Variants in MALRD1 observed in about 807,000 individuals in gnomAD.
MALRD1 encodes the protein MAM and LDL receptor class A domain containing 1.
Under a neutral mutation model 242.1 loss-of-function variants are expected in MALRD1, and 247 were observed. The observed-to-expected ratio is 1.02, with a 90% confidence interval of 0.92 to 1.13. The LOEUF is 1.13. Among genes scored for constraint, MALRD1 ranks in the 50% most tolerant of loss-of-function variants. The pLI, the probability that MALRD1 is intolerant of heterozygous loss-of-function variation, is 0.00. For synonymous variants in MALRD1, 995 were observed against 866.6 expected, an observed-to-expected ratio of 1.15 and a Z score of -2.60; for missense variants, 2,989 against 2,533.1, an observed-to-expected ratio of 1.18 and a Z score of -3.86.
chr10:19,440,601 T>A (rs1834588093), intron 28 of MALRD1, among the ~76,000 whole-genome samples: 1 of 152,180 alleles, frequency 6.6e-6, no homozygotes, highest in Admixed American at 6.5e-5. Context: ...GTGTTTGGTT[T>A]TCTATTCTTG....
chr10:19,294,705 A>C lies in MALRD1; in HGVS notation c.3419+11524A>C, dbSNP rs941551821. Among the ~76,000 whole-genome samples, 7 of 152,280 alleles carry C rather than the reference A, an allele frequency of 4.6e-5. No individual in the cohort carries two copies. In the South Asian group the frequency reaches 1.0e-3, roughly 23 times the overall value. ...TCTCTATCTTTGGATTTTGTTGGATAATATAAGTTAACTAAAATAATACAA... is the reference window on the plus strand; with the variant it reads ...TCTCTATCTTTGGATTTTGTTGGATCATATAAGTTAACTAAAATAATACAA... On this transcript the variant is annotated intron_variant, in intron 21 of 39. Transcript: ENST00000454679.
chr10:19,277,141 G>T (rs924225205), intron 19 of MALRD1, among the ~76,000 whole-genome samples: 1 of 152,048 alleles, frequency 6.6e-6, no homozygotes, highest in African/African-American at 2.4e-5. Flanking sequence ...GCCCAGGCTA[G>T]TCTCAAAATC....
intron 5 of MALRD1, among the ~76,000 whole-genome samples, chr10:19,106,180 A>G (rs893513475): frequency 4.6e-5 from 7 of 151,820 alleles, no homozygotes; most frequent in Non-Finnish European, 7.4e-5. Context: ...CACAGCTTCT[A>G]GTATCTATCA....
chr10:19,069,016 C>T (rs1835062460), intron 2 of MALRD1, among the ~76,000 whole-genome samples: 1 of 151,970 alleles, frequency 6.6e-6, no homozygotes, highest in African/African-American at 2.4e-5. Context: ...AAATCAAATA[C>T]ATCTTTGTAA....
At chr10:19,465,796 A>C (rs1027896549) in intron 29 of MALRD1, among the ~76,000 whole-genome samples, 1 of 152,178 alleles carries the variant, frequency 6.6e-6, no homozygotes, top group Non-Finnish European at 1.5e-5. Context: ...GGCCTCCCAA[A>C]GTGCTGCGAT....
At chr10:19,172,781 GATGT>G (rs1374561929) in intron 13 of MALRD1, among the ~76,000 whole-genome samples, 1 of 151,684 alleles carries the variant, frequency 6.6e-6, no homozygotes, top group African/African-American at 2.4e-5. Context: ...ATCAATGCAA[GATGT>G]ATTATAATCA....
At chr10:19,599,317 A>C (rs1371652475) in intron 34 of MALRD1, among the ~76,000 whole-genome samples, 1 of 152,144 alleles carries the variant, frequency 6.6e-6, no homozygotes, top group Non-Finnish European at 1.5e-5. Flanking sequence ...AAGTGTTTAG[A>C]TAAACCTGTG....
intron 32 of MALRD1, among the ~76,000 whole-genome samples, chr10:19,538,769 A>G (rs982856749): frequency 6.6e-6 from 1 of 152,064 alleles, no homozygotes; most frequent in African/African-American, 2.4e-5. Flanking sequence ...TTTGTAATTT[A>G]TATAAATTTC....
At chr10:19,501,596 A>C (rs188697347) in intron 31 of MALRD1, among the ~76,000 whole-genome samples, 60 of 152,362 alleles carry the variant, frequency 3.9e-4, no homozygotes, top group Non-Finnish European at 7.2e-4. Context: ...CTTATTGTGC[A>C]TATGTATAAA....
At chr10:19,554,804 C>T (rs7085701) in intron 32 of MALRD1, among the ~76,000 whole-genome samples, 123,953 of 152,094 alleles carry the variant, frequency 0.81, 50,678 homozygotes, top group Non-Finnish European at 0.85. Flanking sequence ...ATCCAGTCTA[C>T]CATTGACGGG....
At chr10:19,263,361 G>A (rs986041158) in intron 19 of MALRD1, among the ~76,000 whole-genome samples, 2 of 152,106 alleles carry the variant, frequency 1.3e-5, no homozygotes, top group African/African-American at 4.8e-5. Context: ...ATATCTCATT[G>A]TAGTTTTGAT....
At chr10:19,646,695 G>A (rs1448554082) in intron 36 of MALRD1, among the ~76,000 whole-genome samples, 4 of 152,104 alleles carry the variant, frequency 2.6e-5, no homozygotes, top group African/African-American at 9.7e-5. Context: ...GGTAAGTACT[G>A]TTTATCTCTG....
At position 19,463,553 on chromosome 10, in the gene MALRD1, A is replaced by AGTGTGTGT. The variant is rs142025703; in HGVS notation, c.5029+13094_5029+13101dup. Among the ~76,000 whole-genome samples, 519 of 150,122 alleles carry AGTGTGTGT rather than the reference A, an allele frequency of 3.5e-3. 4 individuals carry two copies. Among genetic ancestry groups the AGTGTGTGT allele is most frequent in the African/African-American group, 0.011 (462 of 40,670 alleles). On this transcript the variant is annotated intron_variant, in intron 29 of 39. Transcript: ENST00000454679. ...AATTCGTTCCCTTTCGTGGCTGAGT[A>AGTGTGTGT]GTGTGTGTGTGTGTGTGTGTGTGTG...
At chr10:19,197,014 G>A (rs956242855) in intron 14 of MALRD1, among the ~76,000 whole-genome samples, 4 of 152,054 alleles carry the variant, frequency 2.6e-5, no homozygotes, top group Admixed American at 1.3e-4. Flanking sequence ...ATTGACTCAC[G>A]GCTCTGCATG....
intron 31 of MALRD1, among the ~76,000 whole-genome samples, chr10:19,522,668 A>G (rs1427495152): frequency 1.3e-5 from 2 of 152,132 alleles, no homozygotes; most frequent in Non-Finnish European, 2.9e-5. Flanking sequence ...TTGATATTAT[A>G]TGCTCCCAAT....
chr10:19,335,074 G>A (rs985553464), intron 24 of MALRD1, among the ~76,000 whole-genome samples: 1 of 151,830 alleles, frequency 6.6e-6, no homozygotes, highest in East Asian at 1.9e-4. Flanking sequence ...ATACTGTCTT[G>A]TTAGTTCTTT....
chr10:19,611,774 C>T (rs180682086), intron 35 of MALRD1, among the ~76,000 whole-genome samples: 9 of 152,010 alleles, frequency 5.9e-5, no homozygotes, highest in East Asian at 1.9e-4. Flanking sequence ...TACTTTGTGC[C>T]GTGTCTTTCT....
At chr10:19,272,827 C>T (rs955682943) in intron 19 of MALRD1, among the ~76,000 whole-genome samples, 3 of 152,120 alleles carry the variant, frequency 2.0e-5, no homozygotes, top group Non-Finnish European at 2.9e-5. Context: ...TGATGGTTTC[C>T]AGCTTCATCC....
At chr10:19,236,339 G>A (rs1157078693) in intron 18 of MALRD1, among the ~76,000 whole-genome samples, 1 of 152,166 alleles carries the variant, frequency 6.6e-6, no homozygotes, top group Non-Finnish European at 1.5e-5. Context: ...ACTTAAGCAG[G>A]TGGGATGCTC....
Sources: gnomAD v4.1 joint callset for allele counts (sites outside exome capture counted in the v4.1 genomes callset) on GRCh38, gnomAD v4.1.1 for gene constraint, MANE v1.5 for transcripts, NCBI Gene and HGNC (gene_info 2026-07-23, HGNC 2026-07-21) for gene names.